Variants in MSN observed in about 807,000 individuals in gnomAD.
MSN encodes moesin.
Under a neutral mutation model 48.0 loss-of-function variants are expected in MSN, and 2 were observed. That is an observed-to-expected ratio of 0.04 (90% CI 0.02 to 0.13). The LOEUF (loss-of-function observed/expected upper bound fraction) is 0.13, where lower values mean the gene tolerates loss of function less well. Ranked by LOEUF, MSN falls within the 10% of genes least tolerant of loss-of-function variation. The pLI, the probability that MSN is intolerant of heterozygous loss-of-function variation, is 1.00. For missense variants in MSN, 267 were observed against 470.1 expected, an observed-to-expected ratio of 0.57 and a Z score of 3.99; for synonymous variants, 146 against 166.9, an observed-to-expected ratio of 0.87 and a Z score of 0.97.
intron 1 of MSN, among the ~76,000 whole-genome samples, chrX:65,622,515 T>C (rs932100027): frequency 2.5e-4 from 25 of 99,533 alleles, no homozygotes; most frequent in African/African-American, 8.4e-4. Flanking sequence ...TCTTTGTTTT[T>C]TTTTTTTTTT....
At chrX:65,616,926 A>G (rs1261118111) in intron 1 of MSN, among the ~76,000 whole-genome samples, 1 of 110,841 alleles carries the variant, frequency 9.0e-6, no homozygotes, top group Non-Finnish European at 1.9e-5. Context: ...AGAGTTGTTG[A>G]ATTTTGTCAA....
chrX:65,702,590 C>T (rs1339977481), intron 1 of MSN, among the ~76,000 whole-genome samples: 2 of 110,539 alleles, frequency 1.8e-5, no homozygotes, highest in East Asian at 2.9e-4. Context: ...TGCTTGAACC[C>T]GGGAGACGGG....
chrX:65,604,173 G>C (rs1022636699), intron 1 of MSN, among the ~76,000 whole-genome samples: 4 of 112,064 alleles, frequency 3.6e-5, no homozygotes, highest in African/African-American at 1.3e-4. Flanking sequence ...TATAAGCCAA[G>C]GCAGGCTGGT....
At chrX:65,626,871 T>C (rs1321649110) in intron 1 of MSN, among the ~76,000 whole-genome samples, 1 of 111,516 alleles carries the variant, frequency 9.0e-6, no homozygotes, top group Non-Finnish European at 1.9e-5. Flanking sequence ...AGAATGGACT[T>C]ACACTATGAT....
chrX:65,736,529 T>C (rs1166047460), intron 8 of MSN, among the ~76,000 whole-genome samples: 1 of 108,813 alleles, frequency 9.2e-6, no homozygotes, highest in Admixed American at 9.7e-5. Flanking sequence ...CCGCCTCCTG[T>C]CTTCAAGCAA....
chrX:65,668,684 C>T (rs2070899298), intron 1 of MSN, among the ~76,000 whole-genome samples: 2 of 111,800 alleles, frequency 1.8e-5, no homozygotes, highest in South Asian at 7.4e-4. Context: ...CAGAAGCCTC[C>T]TGGGAGTGGG....
At chrX:65,622,839 A>G (rs2070464513) in intron 1 of MSN, among the ~76,000 whole-genome samples, 1 of 111,638 alleles carries the variant, frequency 9.0e-6, no homozygotes, top group African/African-American at 3.2e-5. Context: ...TTGATCTTAA[A>G]GGGGAAAAGT....
chrX:65,710,538 C>T (rs2071403317), intron 1 of MSN, among the ~76,000 whole-genome samples: 1 of 110,190 alleles, frequency 9.1e-6, no homozygotes, highest in African/African-American at 3.3e-5. Flanking sequence ...TGTAATTTAG[C>T]CATTTGTTCA....
At chrX:65,720,116 A>G (rs1160916656) in intron 2 of MSN, among the ~76,000 whole-genome samples, 2 of 111,735 alleles carry the variant, frequency 1.8e-5, no homozygotes, top group African/African-American at 3.3e-5. Context: ...TTATCTTGAG[A>G]AGTATCATTT....
At chrX:65,720,893 T>G (rs1200014527) in intron 2 of MSN, among the ~76,000 whole-genome samples, 3 of 112,110 alleles carry the variant, frequency 2.7e-5, no homozygotes, top group African/African-American at 9.7e-5. Flanking sequence ...TTTACCTCTC[T>G]TCTTGTGAGT....
At chrX:65,728,111 A>G (rs922844481) in intron 3 of MSN, among the ~76,000 whole-genome samples, 11 of 111,495 alleles carry the variant, frequency 9.9e-5, no homozygotes. Flanking sequence ...TTGACTTCTA[A>G]CAGCGACAAT....
At chrX:65,666,420 G>A (rs1301576092), upstream of MSN, among the ~76,000 whole-genome samples, 4 of 109,841 alleles carry the variant, frequency 3.6e-5, no homozygotes, top group South Asian at 1.2e-3. Context: ...TCCGCCTCCC[G>A]GGTTCAAGCG....
At chrX:65,682,269 A>G (rs1230320921) in intron 1 of MSN, among the ~76,000 whole-genome samples, 1 of 112,180 alleles carries the variant, frequency 8.9e-6, no homozygotes, top group Non-Finnish European at 1.9e-5. Flanking sequence ...GTCTTAGGAA[A>G]ACAGTTCATG....
At chrX:65,600,856 A>G (rs2070229590) in intron 1 of MSN, 2 of 111,806 alleles carry the variant, frequency 1.8e-5, no homozygotes, top group African/African-American at 6.5e-5. Context: ...AAGGTCTCTT[A>G]CAGAATTTAG....
At chrX:65,619,253 C>T (rs1449306917) in intron 1 of MSN, among the ~76,000 whole-genome samples, 2 of 102,983 alleles carry the variant, frequency 1.9e-5, no homozygotes, top group Non-Finnish European at 3.8e-5. Flanking sequence ...GAACGTTGGC[C>T]TGCCTTGCTA....
chrX:65,714,895 C>T (rs2071448161), intron 1 of MSN, among the ~76,000 whole-genome samples: 1 of 111,791 alleles, frequency 8.9e-6, no homozygotes, highest in Non-Finnish European at 1.9e-5. Flanking sequence ...TTCCTATGTT[C>T]AGAATGGTAT....
chrX:65,670,534 C>T (rs1392098757), intron 1 of MSN, among the ~76,000 whole-genome samples: 1 of 109,647 alleles, frequency 9.1e-6, no homozygotes, highest in Non-Finnish European at 1.9e-5. Flanking sequence ...ACCAGCCTGA[C>T]CAACATGGTG....
chrX:65,601,851 G>C (rs2070238701), intron 1 of MSN, among the ~76,000 whole-genome samples: 1 of 112,268 alleles, frequency 8.9e-6, no homozygotes, highest in African/African-American at 3.2e-5. Flanking sequence ...ATACTATGAA[G>C]AGGGACTCAT....
chrX:65,728,780 C>G (rs1314694528), intron 3 of MSN, among the ~76,000 whole-genome samples: 1 of 111,720 alleles, frequency 9.0e-6, no homozygotes, highest in African/African-American at 3.3e-5. Context: ...CATGCAAGCT[C>G]TCCACCCCAA....
Sources: allele counts gnomAD v4.1 joint callset (sites outside exome capture counted in the v4.1 genomes callset), GRCh38; gene constraint gnomAD v4.1.1; transcripts MANE v1.5; gene names NCBI Gene and HGNC (gene_info 2026-07-23, HGNC 2026-07-21).